The following PIP5K1B variants were observed in gnomAD, a reference collection of about 807,000 sequenced individuals.
The protein encoded by PIP5K1B is phosphatidylinositol-4-phosphate 5-kinase type 1 beta, also known as phosphatidylinositol 4-phosphate 5-kinase type-1 beta.
In PIP5K1B, 42 loss-of-function variants were observed where a neutral mutation model predicts 67.0. That is an observed-to-expected ratio of 0.63 (90% CI 0.49 to 0.81). PIP5K1B has a LOEUF of 0.81. Among genes scored for constraint, PIP5K1B ranks in the 30% least tolerant of loss-of-function variants. The probability of loss-of-function intolerance (pLI) is 0.00; values close to 1 mark genes in which losing one functional copy is unlikely to be tolerated. For missense variants in PIP5K1B, 459 were observed against 646.3 expected (o/e 0.71, Z 3.14); for synonymous variants, 214 against 231.4 (o/e 0.92, Z 0.68).
At chr9:68,798,059 T>C (rs1832391636) in intron 2 of PIP5K1B, among the ~76,000 whole-genome samples, 1 of 151,714 alleles carries the variant, frequency 6.6e-6, no homozygotes, top group Non-Finnish European at 1.5e-5. Context: ...TGGTTTTTTT[T>C]CATTCCCCGT....
intron 2 of PIP5K1B, among the ~76,000 whole-genome samples, chr9:68,804,298 T>C (rs1277360886): frequency 2.6e-5 from 4 of 151,976 alleles, no homozygotes; most frequent in Non-Finnish European, 5.9e-5. Context: ...GACAGGTATG[T>C]GTTGTGGGGA....
rs543631283 is a variant in PIP5K1B, at chr9:68,735,368, C to A, written c.-242-7133C>A. On this transcript the variant is annotated intron_variant, in intron 1 of 15. Transcript: ENST00000265382. ...TTGGTGGTTGTTCTTGTTCCAGGAT[C>A]CCATCTGGAATACCACGTTATATTT... is the stretch of plus-strand genomic sequence containing the variant. Among the ~76,000 whole-genome samples the A allele has an allele frequency of 3.3e-4, 20 of 61,000 alleles. No individual in the cohort carries two copies. In the South Asian group the frequency reaches 0.013, roughly 39 times the overall value. 40.0% of individuals were successfully genotyped at this position (61,000 alleles called of 152,430 possible).
At chr9:68,901,177 C>G (rs567197253) in intron 8 of PIP5K1B, among the ~76,000 whole-genome samples, 1 of 152,084 alleles carries the variant, frequency 6.6e-6, no homozygotes, top group Admixed American at 6.6e-5. Context: ...ATAAGGAATT[C>G]GATTTTGTTT....
chr9:68,904,863 A>T (rs1273793312), intron 8 of PIP5K1B, among the ~76,000 whole-genome samples: 9 of 151,930 alleles, frequency 5.9e-5, no homozygotes, highest in Admixed American at 5.2e-4. Context: ...TAAGAAATAA[A>T]CTCCTTTTCC....
intron 2 of PIP5K1B, among the ~76,000 whole-genome samples, chr9:68,794,251 G>A (rs1355493938): frequency 6.6e-6 from 1 of 152,134 alleles, no homozygotes; most frequent in Non-Finnish European, 1.5e-5. Context: ...AGATTCTTGA[G>A]GTGAAAAAGG....
At chr9:68,864,109 C>T in intron 5 of PIP5K1B, 142 bp downstream of exon 5, 1 of 670,408 alleles carries the variant, frequency 1.5e-6, no homozygotes, top group Non-Finnish European at 2.5e-6. Flanking sequence ...AAAGGCAGTC[C>T]AAATGATGTT....
chr9:68,836,231 A>G (rs1036177074), intron 4 of PIP5K1B, among the ~76,000 whole-genome samples: 6 of 152,188 alleles, frequency 3.9e-5, no homozygotes, highest in Admixed American at 1.3e-4. Context: ...TTTTTAACTT[A>G]TTTATTAATT....
intron 14 of PIP5K1B, among the ~76,000 whole-genome samples, chr9:68,947,529 G>A (rs925337749): frequency 6.6e-6 from 1 of 152,188 alleles, no homozygotes; most frequent in Non-Finnish European, 1.5e-5. Context: ...GTAGAGTTGA[G>A]ATAGGATAAA....
At chr9:68,901,812 G>GA (rs1160055931) in intron 8 of PIP5K1B, among the ~76,000 whole-genome samples, 12 of 152,166 alleles carry the variant, frequency 7.9e-5, no homozygotes, top group Non-Finnish European at 1.6e-4. Flanking sequence ...TCTGGTCTTA[G>GA]AAAAAATGAT....
chr9:68,781,024 A>G, intron 2 of PIP5K1B: 2 of 1,611,986 alleles, frequency 1.2e-6, no homozygotes, highest in Middle Eastern at 1.7e-4. Context: ...CTTTCGTCTA[A>G]GTGATTCACT....
At chr9:68,917,335 A>G (rs1282176196) in intron 8 of PIP5K1B, among the ~76,000 whole-genome samples, 1 of 152,174 alleles carries the variant, frequency 6.6e-6, no homozygotes, top group Non-Finnish European at 1.5e-5. Context: ...ATTTGCATAA[A>G]ATTCCCATCT....
intron 8 of PIP5K1B, among the ~76,000 whole-genome samples, chr9:68,912,251 C>G (rs1318256624): frequency 6.6e-6 from 1 of 152,148 alleles, no homozygotes; most frequent in Non-Finnish European, 1.5e-5. Flanking sequence ...GTTGTTTTAT[C>G]CCTGAAGATC....
intron 2 of PIP5K1B, among the ~76,000 whole-genome samples, chr9:68,750,924 G>C (rs1329565818): frequency 6.6e-6 from 1 of 152,186 alleles, no homozygotes; most frequent in Non-Finnish European, 1.5e-5. Context: ...GATGACTAAT[G>C]GTTGGAATTC....
intron 1 of PIP5K1B, among the ~76,000 whole-genome samples, chr9:68,737,451 A>G (rs1042007742): frequency 6.6e-6 from 1 of 152,214 alleles, no homozygotes; most frequent in Non-Finnish European, 1.5e-5. Flanking sequence ...GTTGCTTTCA[A>G]TTCTCCATCA....
intron 4 of PIP5K1B, among the ~76,000 whole-genome samples, chr9:68,835,985 A>G (rs543731868): frequency 6.6e-6 from 1 of 152,274 alleles, no homozygotes; most frequent in East Asian, 1.9e-4. Flanking sequence ...CTGACTACAC[A>G]TTCAAACTGT....
At chr9:68,817,137 T>C (rs1161044592) in intron 2 of PIP5K1B, among the ~76,000 whole-genome samples, 3 of 152,166 alleles carry the variant, frequency 2.0e-5, no homozygotes, top group Admixed American at 2.0e-4. Flanking sequence ...AATAAACCTG[T>C]GAAAAGAATC....
At chr9:68,771,041 G>A (rs761126065) in intron 2 of PIP5K1B, among the ~76,000 whole-genome samples, 1 of 152,180 alleles carries the variant, frequency 6.6e-6, no homozygotes, top group African/African-American at 2.4e-5. Flanking sequence ...TAAAGTTAAA[G>A]AGGAATCTAG....
rs138024470 is a variant in PIP5K1B, at chr9:68,766,315, T to C, written c.-86+23658T>C. ...CTCTTATAAGCAAAAACTATTGTTA[T>C]AAATGTATCTATCTTTGATTTAGCA... On this transcript the variant is annotated intron_variant, in intron 2 of 15. Transcript: ENST00000265382. 4.2e-3 allele frequency among the ~76,000 whole-genome samples: 640 copies of C among 152,330 alleles called. 2 individuals carry two copies. The highest frequency in any genetic ancestry group is 6.8e-3 in the Non-Finnish European group (463 of 67,994).
intron 4 of PIP5K1B, among the ~76,000 whole-genome samples, chr9:68,858,770 T>G (rs1466514333): frequency 1.3e-5 from 2 of 152,226 alleles, no homozygotes; most frequent in Non-Finnish European, 2.9e-5. Flanking sequence ...GGTGGAAAAA[T>G]GCTGTTGACA....
Sources: allele counts gnomAD v4.1 joint callset (sites outside exome capture counted in the v4.1 genomes callset), GRCh38; gene constraint gnomAD v4.1.1; transcripts MANE v1.5; gene names NCBI Gene and HGNC (gene_info 2026-07-23, HGNC 2026-07-21).